DENND1B: variants seen among roughly 807,000 people sequenced by gnomAD.
The protein encoded by DENND1B is DENN domain containing 1B.
In DENND1B, 59 loss-of-function variants were observed where a neutral mutation model predicts 90.1. The ratio of observed to expected loss-of-function variants is 0.65; its 90% CI spans 0.53 to 0.81. The LOEUF is 0.81. Ranked by LOEUF, DENND1B falls within the 40% of genes least tolerant of loss-of-function variation. DENND1B has a pLI of 0.00. For synonymous variants in DENND1B, 337 were observed against 324.6 expected (o/e 1.04, Z -0.41); for missense variants, 862 against 912.6 (o/e 0.94, Z 0.71).
At chr1:197,546,800 G>T (rs760597395) in intron 16 of DENND1B, 27 bp from the exon 17 acceptor site, 3 of 1,531,342 alleles carry the variant, frequency 2.0e-6, no homozygotes, top group Non-Finnish European at 1.8e-6. Context: ...TGAGATGCCA[G>T]GAATGGTTGA....
chr1:197,728,595 T>A (rs566126604), intron 2 of DENND1B, among the ~76,000 whole-genome samples: 3 of 152,288 alleles, frequency 2.0e-5, no homozygotes, highest in Admixed American at 2.0e-4. Flanking sequence ...TGCCTAACCA[T>A]GTTAGTTATT....
chr1:197,534,447 T>C (rs1669731237), intron 20 of DENND1B, among the ~76,000 whole-genome samples: 1 of 152,220 alleles, frequency 6.6e-6, no homozygotes, highest in African/African-American at 2.4e-5. Context: ...TGTGAACTCT[T>C]GTGACACTGA....
chr1:197,583,155 C>T lies in DENND1B; in HGVS notation c.1146G>A (p.Lys382=), dbSNP rs1211664961. 1 of 1,613,666 alleles carries T rather than the reference C, an allele frequency of 6.2e-7. No homozygotes were observed. Among genetic ancestry groups the T allele is most frequent in the Non-Finnish European group, 8.5e-7 (1 of 1,179,662 alleles). ...AAATGTGGAGGTCCACTCTTACCTG[C>T]TTAAAAAGCTGGAGGTTAATGGCAG... ...LETAINLQLF[K]QFIDGRLAKL... Residue 382 remains lysine, a synonymous_variant, in exon 15 of 23, where the codon AAG becomes AAA. Coordinates refer to ENST00000620048, the MANE Select transcript of DENND1B (RefSeq NM_001195215.2).
At chr1:197,599,753 T>G (rs986715361) in intron 13 of DENND1B, among the ~76,000 whole-genome samples, 1 of 151,888 alleles carries the variant, frequency 6.6e-6, no homozygotes, top group Non-Finnish European at 1.5e-5. Context: ...CCTTTAACAT[T>G]TATTAAATGA....
At chr1:197,651,950 C>G (rs1267600792) in intron 7 of DENND1B, among the ~76,000 whole-genome samples, 1 of 151,992 alleles carries the variant, frequency 6.6e-6, no homozygotes, top group African/African-American at 2.4e-5. Context: ...AGCCACCGGG[C>G]CCAGCCAAAT....
At chr1:197,652,951 T>C (rs1295134085) in intron 6 of DENND1B, among the ~76,000 whole-genome samples, 3 of 152,032 alleles carry the variant, frequency 2.0e-5, no homozygotes, top group African/African-American at 7.2e-5. Flanking sequence ...GTAATAAATA[T>C]ACAAAGATTT....
intron 2 of DENND1B, among the ~76,000 whole-genome samples, chr1:197,750,182 C>T (rs1161934778): frequency 6.6e-6 from 1 of 152,104 alleles, no homozygotes; most frequent in East Asian, 1.9e-4. Flanking sequence ...TAGTGTATGA[C>T]AGCAATAGCA....
intron 15 of DENND1B, among the ~76,000 whole-genome samples, chr1:197,574,432 A>G (rs552478502): frequency 1.3e-5 from 2 of 152,312 alleles, no homozygotes; most frequent in African/African-American, 4.8e-5. Context: ...CTGCTCAACA[A>G]AATAAAAGAG....
chr1:197,733,649 C>T (rs1027666946), intron 2 of DENND1B, among the ~76,000 whole-genome samples: 4 of 152,136 alleles, frequency 2.6e-5, no homozygotes, highest in African/African-American at 9.7e-5. Flanking sequence ...ATTGTGAGGC[C>T]CCACGAAAGC....
At chr1:197,677,154 C>CCA (rs1431163859) in intron 3 of DENND1B, among the ~76,000 whole-genome samples, 1 of 152,070 alleles carries the variant, frequency 6.6e-6, no homozygotes, top group Non-Finnish European at 1.5e-5. Context: ...TCCTTCTCAA[C>CCA]CACTTTTGTC....
At chr1:197,675,427 A>T (rs938507768) in intron 3 of DENND1B, among the ~76,000 whole-genome samples, 1 of 152,122 alleles carries the variant, frequency 6.6e-6, no homozygotes, top group Non-Finnish European at 1.5e-5. Context: ...AAGCAGAAAG[A>T]AAAGGATCTT....
At chr1:197,707,447 T>TA (rs953265891) in intron 3 of DENND1B, among the ~76,000 whole-genome samples, 1 of 151,680 alleles carries the variant, frequency 6.6e-6, no homozygotes, top group Non-Finnish European at 1.5e-5. Flanking sequence ...AAAGAAATGA[T>TA]AAAAGTTTGA....
chr1:197,619,461 A>C (rs1306916029), intron 10 of DENND1B, among the ~76,000 whole-genome samples: 1 of 151,178 alleles, frequency 6.6e-6, no homozygotes, highest in African/African-American at 2.4e-5. Flanking sequence ...AAAGGCAGCT[A>C]ATTATTCAAT....
At chr1:197,778,365 G>A (rs1022824907), upstream of DENND1B, among the ~76,000 whole-genome samples, 1 of 152,048 alleles carries the variant, frequency 6.6e-6, no homozygotes, top group Non-Finnish European at 1.5e-5. Flanking sequence ...TAGACAATTT[G>A]CATGTATTAA....
chr1:197,598,533 C>T (rs1015000608), intron 13 of DENND1B, among the ~76,000 whole-genome samples: 6 of 151,706 alleles, frequency 4.0e-5, no homozygotes, highest in Non-Finnish European at 5.9e-5. Context: ...CTGTCCTGTA[C>T]TTTTTAATAC....
At chr1:197,744,847 C>T (rs185167717) in intron 2 of DENND1B, among the ~76,000 whole-genome samples, 2 of 152,300 alleles carry the variant, frequency 1.3e-5, no homozygotes, top group Admixed American at 6.5e-5. Context: ...ATGTAGCCAC[C>T]TTCATCAATG....
intron 16 of DENND1B, among the ~76,000 whole-genome samples, chr1:197,551,410 A>C (rs753656151): frequency 2.0e-5 from 3 of 152,162 alleles, no homozygotes; most frequent in Non-Finnish European, 4.4e-5. Context: ...TTTTCATTTT[A>C]ATAAAGAACA....
intron 2 of DENND1B, among the ~76,000 whole-genome samples, chr1:197,751,851 G>T (rs1004568818): frequency 1.4e-5 from 2 of 144,506 alleles, no homozygotes; most frequent in African/African-American, 5.1e-5. Context: ...GAGGGGAAGG[G>T]AAGGGAAGGC....
At chr1:197,773,963 C>CT (rs1357335426) in intron 1 of DENND1B, among the ~76,000 whole-genome samples, 1 of 152,074 alleles carries the variant, frequency 6.6e-6, no homozygotes, top group East Asian at 1.9e-4. Flanking sequence ...AAAAGCATTT[C>CT]TTTTTTTGGA....
Sources: allele counts gnomAD v4.1 joint callset (sites outside exome capture counted in the v4.1 genomes callset), GRCh38; gene constraint gnomAD v4.1.1; transcripts MANE v1.5; gene names NCBI Gene and HGNC (gene_info 2026-07-23, HGNC 2026-07-21).